FBN3: variants seen among roughly 807,000 people sequenced by gnomAD.
The protein encoded by FBN3 is fibrillin 3, also known as fibrillin-3.
FBN3 carries 234 observed loss-of-function variants against 330.1 expected under a neutral mutation model. The ratio of observed to expected loss-of-function variants is 0.71; its 90% CI spans 0.64 to 0.79. The LOEUF (loss-of-function observed/expected upper bound fraction) is 0.79, where lower values mean the gene tolerates loss of function less well. Among genes scored for constraint, FBN3 ranks in the 30% least tolerant of loss-of-function variants. FBN3 has a pLI of 0.00. For missense variants in FBN3, 3,606 were observed against 3,886.9 expected (o/e 0.93, Z 1.92); for synonymous variants, 1,458 against 1,517.3 (o/e 0.96, Z 0.91).
chr19:8,120,804 G>A (rs1568424541), intron 25 of FBN3, among the ~76,000 whole-genome samples: 1 of 152,222 alleles, frequency 6.6e-6, no homozygotes, highest in Non-Finnish European at 1.5e-5. Flanking sequence ...AGCGATTCAT[G>A]TTATTCATGT....
At position 8,144,922 on chromosome 19, in the gene FBN3, G is replaced by T. The variant is rs755246848; in HGVS notation, c.496C>A (p.Arg166Ser). ...HNGGRCIGPN[R>S]CACVYGFMGP... The stretch of plus-strand genomic sequence containing the variant: ...ATGAAGCCATACACACAGGCGCAGC[G>T]GTTGGGCCCAATGCAGCGACCCCCA... Residue 166 changes from arginine to serine, a missense_variant, in exon 6 of 64, where the codon CGC becomes AGC. Coordinates refer to ENST00000600128, the MANE Select transcript of FBN3 (RefSeq NM_032447.5). The T allele has an allele frequency of 1.9e-6, 3 of 1,612,520 alleles. No individual in the cohort carries two copies. Among genetic ancestry groups the T allele is most frequent in the Non-Finnish European group, 2.5e-6 (3 of 1,179,716 alleles).
chr19:8,087,753 C>G (rs111507902), intron 53 of FBN3, 72 bp downstream of exon 53: 2 of 1,351,870 alleles, frequency 1.5e-6, no homozygotes, highest in African/African-American at 2.9e-5. Flanking sequence ...GGATTACAGG[C>G]GTGTGCCACC....
At chr19:8,119,813 C>CTTTTTTTTTTTTTTTTTTTTTTTTTTTT (rs869084219) in intron 25 of FBN3, among the ~76,000 whole-genome samples, 1 of 48,782 alleles carries the variant, frequency 2.0e-5, no homozygotes, top group Non-Finnish European at 3.4e-5. Flanking sequence ...CGAGCCCAGC[C>CTTTTTTTTTTTTTTTTTTTTTTTTTTTT]TTTTTTTTTT....
chr19:8,106,142 G>A lies in FBN3; in HGVS notation c.4779C>T (p.Gly1593=), dbSNP rs1244757476. 1.9e-6 allele frequency: 3 copies of A among 1,614,052 alleles called. No homozygotes were observed. Among genetic ancestry groups the A allele is most frequent in the Admixed American group, 1.7e-5 (1 of 60,006 alleles). The change falls in exon 38 of 64, where the codon GGC becomes GGT. Residue 1593 remains glycine (G), a synonymous_variant. Coordinates refer to ENST00000600128, the MANE Select transcript of FBN3 (RefSeq NM_032447.5). ...FGSFQCECPP[G]YHLSEHTRIC... ...TGCGGGTGTGCTCACTGAGGTGGTA[G>A]CCAGGTGGGCACTCACACTGGAAAC...
Position 8,121,152 on chromosome 19 carries a change from C to T in FBN3, c.3211+106G>A. 9.2e-7 allele frequency: 1 copy of T among 1,083,516 alleles called. No homozygotes were observed. The highest frequency in any genetic ancestry group is 1.3e-6 in the Non-Finnish European group (1 of 749,828). 67.1% of individuals were successfully genotyped at this position (1,083,516 alleles called of 1,614,324 possible). On this transcript the variant is annotated intron_variant, in intron 25 of 63. Transcript: ENST00000600128. The surrounding 1 kb of genome is among the most constrained non-coding windows in gnomAD (Gnocchi z 4.5). ...AATTTACAGCTCCTCCCTCCTCCTG[C>T]CCCCTCCATCCACGTCCACACAGCA...
chr19:8,067,955 T>C (rs1473333776), intron 63 of FBN3, among the ~76,000 whole-genome samples: 1 of 151,958 alleles, frequency 6.6e-6, no homozygotes, highest in Non-Finnish European at 1.5e-5. Context: ...TCCCAGCTAC[T>C]AGGGAGGCTG....
At chr19:8,101,329 T>A (rs535732034) in intron 40 of FBN3, among the ~76,000 whole-genome samples, 4 of 152,198 alleles carry the variant, frequency 2.6e-5, no homozygotes, top group Admixed American at 1.3e-4. Context: ...TTGCAGCAGC[T>A]CTGGGGAATG....
chr19:8,148,666 G>A (rs1302123746), intron 1 of FBN3: 4 of 152,256 alleles, frequency 2.6e-5, no homozygotes, highest in Non-Finnish European at 5.9e-5. Context: ...AGGTTCCAGG[G>A]AGGAAAGGAA....
chr19:8,146,681 G>A (rs2083554380), intron 3 of FBN3, among the ~76,000 whole-genome samples: 3 of 152,140 alleles, frequency 2.0e-5, no homozygotes, highest in Admixed American at 1.3e-4. Context: ...AACCAACAGA[G>A]AGAGGCCAGG....
At chr19:8,073,024 C>G (rs28657412) in intron 62 of FBN3, 39 bp downstream of exon 62, 1 of 1,070,576 alleles carries the variant, frequency 9.3e-7, no homozygotes. Flanking sequence ...TGGACGCTTG[C>G]GGGGCATGGA....
At position 8,096,092 on chromosome 19, in the gene FBN3, A is replaced by T; in HGVS notation, c.5540-12T>A. ...ACACTCGTCAATGTCTGCAGAAGCA[A>T]AGCCGAGAGCCCAACCCAGCTCACC... is the stretch of plus-strand genomic sequence containing the variant. On this transcript the variant is annotated splice_polypyrimidine_tract_variant and intron_variant, in intron 44 of 63. Coordinates refer to ENST00000600128, the MANE Select transcript of FBN3 (RefSeq NM_032447.5). The surrounding 1 kb of genome is among the most constrained non-coding windows in gnomAD (Gnocchi z 4.6). 1 of 1,604,948 alleles carries T rather than the reference A, an allele frequency of 6.2e-7. No individual in the cohort carries two copies. Among genetic ancestry groups the T allele is most frequent in the African/African-American group, 1.3e-5 (1 of 74,860 alleles).
intron 52 of FBN3, 53 bp from the exon 53 acceptor site, chr19:8,088,000 C>T (rs2082006903): frequency 4.3e-6 from 7 of 1,613,956 alleles, no homozygotes; most frequent in Non-Finnish European, 5.9e-6. Flanking sequence ...GCGGGACCTC[C>T]ACTCCCTCCC....
Position 8,147,391 on chromosome 19 carries a change from T to C in FBN3, c.90A>G (p.Gln30=). 2 of 1,597,918 alleles carry C rather than the reference T, an allele frequency of 1.3e-6. No individual in the cohort carries two copies. Among genetic ancestry groups the C allele is most frequent in the African/African-American group, 1.3e-5 (1 of 74,850 alleles). The stretch of plus-strand genomic sequence containing the variant: ...CCTCCAAGGCCCCGTCCCAGCGGCC[T>C]TGGCCACCTGCCATGCACAACAGGG... ...WSALLCMAGG[Q]GRWDGALEAA... is the part of the protein sequence containing the mutation. Residue 30 remains glutamine (Q), a synonymous_variant, in exon 2 of 64, where the codon CAA becomes CAG. Transcript: ENST00000600128.
chr19:8,107,393 G>C (rs1344004588), intron 37 of FBN3, among the ~76,000 whole-genome samples: 2 of 151,416 alleles, frequency 1.3e-5, no homozygotes, highest in African/African-American at 4.9e-5. Flanking sequence ...TGGGTAGATG[G>C]AGAATGGTTG....
chr19:8,118,771 A>G (rs1174602698), intron 26 of FBN3, 126 bp downstream of exon 26: 3 of 1,176,822 alleles, frequency 2.5e-6, no homozygotes, highest in African/African-American at 1.5e-5. Flanking sequence ...ACACATAGGT[A>G]TGGCCTCAGA....
At chr19:8,135,935 T>TTGGGGGGGGGGGGCG in intron 13 of FBN3, 26 bp downstream of exon 13, 14 of 1,344,152 alleles carry the variant, frequency 1.0e-5, no homozygotes, top group East Asian at 5.5e-5. Context: ...CGGAAGCCCC[T>TTGGGGGGGGGGGGCG]GCCCACCCGC....
rs1310026604 is a variant in FBN3 at position 8,103,755 on chromosome 19, C to A, written c.4814-68G>T. The stretch of plus-strand genomic sequence containing the variant: ...CAGGAATTGTCTGAATAACTCCACT[C>A]CAGAGACCCAGCAAGGCCACTTCAC... On this transcript the variant is annotated intron_variant, in intron 38 of 63. Coordinates refer to ENST00000600128, the MANE Select transcript of FBN3 (RefSeq NM_032447.5). 8 of 1,515,860 alleles carry A rather than the reference C, an allele frequency of 5.3e-6. No individual in the cohort carries two copies. In the East Asian group the frequency reaches 1.1e-4, roughly 22 times the overall value. 93.9% of individuals were successfully genotyped at this position (1,515,860 alleles called of 1,614,324 possible). A position where few individuals can be genotyped will look rare whatever the true frequency, so the allele number is the denominator to read the frequency against.
At chr19:8,136,578 C>T in intron 10 of FBN3, 47 bp from the exon 11 acceptor site, 1 of 1,607,328 alleles carries the variant, frequency 6.2e-7, no homozygotes, top group Non-Finnish European at 8.5e-7. Flanking sequence ...CTGGCCCCGC[C>T]CCAGTCTGGA....
intron 38 of FBN3, among the ~76,000 whole-genome samples, chr19:8,104,151 A>G (rs2082388264): frequency 1.5e-5 from 2 of 136,282 alleles, no homozygotes; most frequent in Non-Finnish European, 3.1e-5. Context: ...AACAAAAACA[A>G]TATGACATTA....
Sources: gnomAD v4.1 joint callset for allele counts (sites outside exome capture counted in the v4.1 genomes callset) on GRCh38, gnomAD v4.1.1 for gene constraint, Gnocchi (gnomAD v3.1) non-coding constraint, MANE v1.5 for transcripts, NCBI Gene and HGNC (gene_info 2026-07-23, HGNC 2026-07-21) for gene names.